The following ABHD2 variants were observed in gnomAD, a reference collection of about 807,000 sequenced individuals.
ABHD2 encodes monoacylglycerol lipase ABHD2.
In ABHD2, 20 loss-of-function variants were observed where a neutral mutation model predicts 48.1. The ratio of observed to expected loss-of-function variants is 0.42; its 90% CI spans 0.29 to 0.60. The LOEUF (loss-of-function observed/expected upper bound fraction) is 0.60. Among genes scored for constraint, ABHD2 ranks in the 20% least tolerant of loss-of-function variants. ABHD2 has a pLI of 0.24. For synonymous variants in ABHD2, 209 were observed against 214.2 expected (o/e 0.98, Z 0.21); for missense variants, 405 against 550.9 (o/e 0.74, Z 2.65).
At chr15:89,074,825 T>A in the ABHD2 span, among the ~76,000 whole-genome samples, 1 of 152,240 alleles carries the variant, frequency 6.6e-6, no homozygotes, top group Non-Finnish European at 1.5e-5. Context: ...TCCCTATCTG[T>A]CTTTTAAAAT....
chr15:89,049,490 C>T, the ABHD2 span, among the ~76,000 whole-genome samples: 8 of 152,216 alleles, frequency 5.3e-5, no homozygotes, highest in East Asian at 7.7e-4. Flanking sequence ...CCCCCAGCCT[C>T]GCTGCCGCCT....
At chr15:89,142,851 C>T (rs1314526644) in intron 3 of ABHD2, among the ~76,000 whole-genome samples, 3 of 152,150 alleles carry the variant, frequency 2.0e-5, no homozygotes, top group Non-Finnish European at 2.9e-5. Flanking sequence ...GGATTCTAGC[C>T]TCCTGCGTTC....
intron 6 of ABHD2, among the ~76,000 whole-genome samples, chr15:89,180,848 A>G (rs976331452): frequency 6.6e-6 from 1 of 152,260 alleles, no homozygotes; most frequent in Non-Finnish European, 1.5e-5. Flanking sequence ...AAATAAATTA[A>G]TAATATACCA....
Position 89,137,069 on chromosome 15 carries a change from T to G in ABHD2, c.195-14608T>G, listed in dbSNP as rs1194388215. 6.6e-6 allele frequency among the ~76,000 whole-genome samples: 1 copy of G among 152,208 alleles called. No homozygotes were observed. Among genetic ancestry groups the G allele is most frequent in the African/African-American group, 2.4e-5 (1 of 41,448 alleles). On this transcript the variant is annotated intron_variant, in intron 3 of 10. Coordinates refer to ENST00000352732, the MANE Select transcript of ABHD2 (RefSeq NM_152924.5). This position sits in a 1 kb window ranked among gnomAD's most constrained non-coding sequence, Gnocchi z 4.8. The stretch of plus-strand genomic sequence containing the variant: ...GAATAGTGGTGCCTTCTCCTAAAGT[T>G]AGGTCACTAATCTTTGACTGGCTGT...
intron 1 of ABHD2, among the ~76,000 whole-genome samples, chr15:89,099,529 C>T (rs2049667101): frequency 6.6e-6 from 1 of 151,912 alleles, no homozygotes; most frequent in African/African-American, 2.4e-5. Flanking sequence ...AGGAAGATCA[C>T]TTGAGCCCAG....
chr15:89,178,333 C>T (rs1187567859), intron 6 of ABHD2, among the ~76,000 whole-genome samples: 1 of 151,730 alleles, frequency 6.6e-6, no homozygotes, highest in Non-Finnish European at 1.5e-5. Context: ...CCAGTATAAC[C>T]TTTTTTTTTC....
chr15:89,140,560 T>C (rs1390846222), intron 3 of ABHD2, among the ~76,000 whole-genome samples: 2 of 152,150 alleles, frequency 1.3e-5, no homozygotes, highest in African/African-American at 4.8e-5. Flanking sequence ...CAAATTCAAC[T>C]CTACAGATTG....
rs1180650483 is a variant in ABHD2, at chr15:89,100,689, GA to G, written c.-107+12129del. On this transcript the variant is annotated intron_variant, in intron 1 of 10. Coordinates refer to ENST00000352732, the MANE Select transcript of ABHD2 (RefSeq NM_152924.5). This position sits in a 1 kb window ranked among gnomAD's most constrained non-coding sequence, Gnocchi z 4.4. Reference sequence around the variant, plus strand: ...TCGAGACCAGCCTGGCCAACATAGTGAAACCCTGTCTCTACTAAAAATACAA... The same window carrying G: ...TCGAGACCAGCCTGGCCAACATAGTGAACCCTGTCTCTACTAAAAATACAA... 6.6e-6 allele frequency among the ~76,000 whole-genome samples: 1 copy of G among 152,114 alleles called. No individual in the cohort carries two copies. Among genetic ancestry groups the G allele is most frequent in the African/African-American group, 2.4e-5 (1 of 41,412 alleles).
chr15:89,079,185 A>C, the ABHD2 span, among the ~76,000 whole-genome samples: 3 of 152,368 alleles, frequency 2.0e-5, no homozygotes, highest in African/African-American at 7.2e-5. This position sits in a 1 kb window ranked among gnomAD's most constrained non-coding sequence, Gnocchi z 4.3. Flanking sequence ...ACCAAGCAAG[A>C]AAACTAACAT....
Position 89,088,529 on chromosome 15 carries a change from G to C in ABHD2, c.-141G>C, listed in dbSNP as rs971909156. 1.1e-4 allele frequency: 17 copies of C among 152,716 alleles called. No individual in the cohort carries two copies. The highest frequency in any genetic ancestry group is 3.3e-4 in the Admixed American group (5 of 15,296). The allele number at this position is 152,716 out of a possible 1,614,324, so 9.5% of individuals were successfully genotyped here. ...CGGGGAGCTGCAGGAACCAGACTGG[G>C]GGCGAGCTGAGCACCTGTAGTCAAT... is the stretch of plus-strand genomic sequence containing the variant. On this transcript the variant is annotated 5_prime_UTR_variant, in exon 1 of 11. Transcript: ENST00000352732. This position sits in a 1 kb window ranked among gnomAD's most constrained non-coding sequence, Gnocchi z 6.8.
At position 89,167,428 on chromosome 15, in the gene ABHD2, A is replaced by ATTTTT. The variant is rs2050854633; in HGVS notation, c.539-8384_539-8383insTTTTT. Among the ~76,000 whole-genome samples the ATTTTT allele has an allele frequency of 6.6e-6, 1 of 152,162 alleles. No individual in the cohort carries two copies. The highest frequency in any genetic ancestry group is 6.5e-5 in the Admixed American group (1 of 15,278). On this transcript the variant is annotated intron_variant, in intron 5 of 10. Transcript: ENST00000352732. The surrounding 1 kb of genome is among the most constrained non-coding windows in gnomAD (Gnocchi z 5.5). ...TGCAGAACTCAGACATCGTAGTAAA[A>ATTTTT]CACCTGGCAAGATCGTCTGCTGAGA... is the stretch of plus-strand genomic sequence containing the variant.
the ABHD2 span, among the ~76,000 whole-genome samples, chr15:89,065,712 CT>C: frequency 6.6e-6 from 1 of 152,134 alleles, no homozygotes; most frequent in African/African-American, 2.4e-5. Context: ...CTCCTTATGT[CT>C]ATACAGACTC....
chr15:89,191,102 C>T lies in ABHD2; in HGVS notation c.949C>T (p.Leu317=), dbSNP rs1222201435. The change falls in exon 9 of 11, where the codon CTG becomes TTG. Residue 317 remains leucine (L), a synonymous_variant. Coordinates refer to ENST00000352732, the MANE Select transcript of ABHD2 (RefSeq NM_152924.5). ...CAGGAAGTTTCACGGCTATAACTCC[C>T]TGAAGGAATACTATGAGGAAGAAAG... ...VMRKFHGYNS[L]KEYYEEESCM... 6.2e-7 allele frequency: 1 copy of T among 1,613,968 alleles called. No individual in the cohort carries two copies. Among genetic ancestry groups the T allele is most frequent in the South Asian group, 1.1e-5 (1 of 91,080 alleles).
chr15:89,163,679 T>C (rs1317633393), intron 5 of ABHD2, among the ~76,000 whole-genome samples: 1 of 152,110 alleles, frequency 6.6e-6, no homozygotes, highest in Non-Finnish European at 1.5e-5. Context: ...GCAGGTGTGA[T>C]GTTTGAGTAT....
chr15:89,083,089 A>C (rs1407488946), upstream of ABHD2, among the ~76,000 whole-genome samples: 1 of 152,134 alleles, frequency 6.6e-6, no homozygotes, highest in African/African-American at 2.4e-5. This position sits in a 1 kb window ranked among gnomAD's most constrained non-coding sequence, Gnocchi z 5.1. Flanking sequence ...TCCTGACCTC[A>C]AGTGATCCAC....
upstream of ABHD2, among the ~76,000 whole-genome samples, chr15:89,085,046 GA>G (rs1467748814): frequency 6.6e-6 from 1 of 152,150 alleles, no homozygotes; most frequent in Non-Finnish European, 1.5e-5. The surrounding 1 kb of genome is among the most constrained non-coding windows in gnomAD (Gnocchi z 4.2). Flanking sequence ...TTCCTTAAAA[GA>G]ATAAATAGAA....
intron 1 of ABHD2, among the ~76,000 whole-genome samples, chr15:89,095,185 G>A (rs1159905175): frequency 1.3e-5 from 2 of 152,086 alleles, no homozygotes; most frequent in African/African-American, 4.8e-5. Flanking sequence ...TGAGTTAATG[G>A]CCATTGAATT....
intron 3 of ABHD2, among the ~76,000 whole-genome samples, chr15:89,129,133 T>C (rs1291777655): frequency 6.6e-6 from 1 of 152,138 alleles, no homozygotes; most frequent in Non-Finnish European, 1.5e-5. Context: ...TGTGCAATTA[T>C]GGCATTAGAA....
chr15:89,081,630 G>A, the ABHD2 span, among the ~76,000 whole-genome samples: 1 of 152,190 alleles, frequency 6.6e-6, no homozygotes, highest in Non-Finnish European at 1.5e-5. Flanking sequence ...ACTCTGGGAG[G>A]CCGAGGCAGG....
Sources: gnomAD v4.1 joint callset for allele counts (sites outside exome capture counted in the v4.1 genomes callset) on GRCh38, gnomAD v4.1.1 for gene constraint, Gnocchi (gnomAD v3.1) non-coding constraint, MANE v1.5 for transcripts, NCBI Gene and HGNC (gene_info 2026-07-23, HGNC 2026-07-21) for gene names.